Variants in TBX3 observed in about 807,000 individuals in gnomAD.
TBX3 encodes the protein T-box transcription factor TBX3.
Under a neutral mutation model 47.8 loss-of-function variants are expected in TBX3, and 11 were observed. The ratio of observed to expected loss-of-function variants is 0.23; its 90% confidence interval spans 0.14 to 0.38. The LOEUF is 0.38. Ranked by LOEUF, TBX3 falls within the 10% of genes least tolerant of loss-of-function variation. TBX3 has a pLI of 1.00. For missense variants in TBX3, 927 were observed against 1,022.8 expected (o/e 0.91, Z 1.28); for synonymous variants, 500 against 449.3 (o/e 1.11, Z -1.43).
At position 114,674,300 on chromosome 12, in the gene TBX3, C is replaced by G. The variant is rs746512485; in HGVS notation, c.1575G>C (p.Thr525=). The G allele has an allele frequency of 1.9e-6, 3 of 1,579,434 alleles. No individual in the cohort carries two copies. The highest frequency in any genetic ancestry group is 4.6e-5 in the East Asian group (2 of 43,026). The change falls in exon 6 of 7, where the codon ACG becomes ACC. Residue 525 remains threonine, a synonymous_variant. Coordinates refer to ENST00000349155, the MANE Select transcript of TBX3 (RefSeq NM_005996.4). ...AGACACCGGTGGAGGCCCCAGAAAC[C>G]GTGGCCAGGAGGGGACCCATGCCAG... The part of the protein sequence containing the change: ...AAAGMGPLLA[T]VSGASTGVSG...
intron 3 of TBX3, among the ~76,000 whole-genome samples, chr12:114,678,039 C>A (rs1369333869): frequency 6.6e-6 from 1 of 152,000 alleles, no homozygotes; most frequent in African/African-American, 2.4e-5. Context: ...CACACACACA[C>A]ACACACACAC....
In TBX3 at chr12:114,674,387, G is replaced by A; in HGVS notation, c.1488C>T (p.His496=). 2 of 1,552,644 alleles carry A rather than the reference G, an allele frequency of 1.3e-6. No homozygotes were observed. Among genetic ancestry groups the A allele is most frequent in the Non-Finnish European group, 1.7e-6 (2 of 1,148,416 alleles). Reference sequence around the variant, plus strand: ...ACTGGCTGGGGTGCAGGAAGAGCGGGTGCCCGTTGAAGAACTGTTGGCCCG... The same window carrying A: ...ACTGGCTGGGGTGCAGGAAGAGCGGATGCCCGTTGAAGAACTGTTGGCCCG... ...GLAGQQFFNG[H]PLFLHPSQFA... Residue 496 remains histidine (H), a synonymous_variant, in exon 6 of 7, where the codon CAC becomes CAT. Coordinates refer to ENST00000349155, the MANE Select transcript of TBX3 (RefSeq NM_005996.4).
chr12:114,674,301 G>C lies in TBX3; in HGVS notation c.1574C>G (p.Thr525Arg). The change falls in exon 6 of 7, where the codon ACG becomes AGG. Residue 525 changes from threonine (T) to arginine (R), a missense_variant. This residue lies in a region of TBX3 where 623 missense variants were observed against 569.0 expected (regional missense o/e 1.09). Transcript: ENST00000349155. ...AAAGMGPLLATVSGASTGVSG... is the reference protein window; with the variant it reads ...AAAGMGPLLARVSGASTGVSG... ...GACACCGGTGGAGGCCCCAGAAACC[G>C]TGGCCAGGAGGGGACCCATGCCAGC... The C allele has an allele frequency of 6.3e-7, 1 of 1,578,934 alleles. No homozygotes were observed. Among genetic ancestry groups the C allele is most frequent in the Non-Finnish European group, 8.6e-7 (1 of 1,162,724 alleles).
rs1868583369 is a variant in TBX3 at position 114,674,170 on chromosome 12, A to G, written c.1705T>C (p.Ser569Pro). ...GCAGGAAGAAGGATCCATACCTGAG[A>G]GGCCAGGACGTGCTGCTGGAGGTGG... is the stretch of plus-strand genomic sequence containing the variant. ...PFHLQQHVLA[S>P]QGLAMSPFGS... The change falls in exon 6 of 7, where the codon TCT becomes CCT. Residue 569 changes from serine to proline, a missense_variant. Physicochemically the swap from Ser to Pro is moderately conservative, Grantham distance 74. This residue lies in a region of TBX3 where 623 missense variants were observed against 569.0 expected (regional missense o/e 1.09). Coordinates refer to ENST00000349155, the MANE Select transcript of TBX3 (RefSeq NM_005996.4). 6.3e-7 allele frequency: 1 copy of G among 1,582,858 alleles called. No individual in the cohort carries two copies.
At position 114,671,990 on chromosome 12, in the gene TBX3, G is replaced by A. The variant is rs373524965; in HGVS notation, c.2023C>T (p.Arg675Cys). Residue 675 changes from arginine to cysteine, a missense_variant, in exon 7 of 7, where the codon CGC becomes TGC. By Grantham distance (180) the Arg-to-Cys change is radical. Around this residue, in one of 5 missense-constraint regions of TBX3, gnomAD observed 623 missense variants for 569.0 expected, o/e 1.09. Transcript: ENST00000349155. ...GAGCTGGAGGAGAGCGTGGAGGAGC[G>A]GCTGTTGAGTTCAGAGCCCGAGTCC... ...AVDSGSELNS[R>C]SSTLSSSSMS... is the part of the protein sequence containing the mutation. 3.1e-6 allele frequency: 5 copies of A among 1,601,084 alleles called. No homozygotes were observed. The East Asian group carries it at 9.1e-5, about 29-fold the overall frequency.
At chr12:114,679,987 A>G in intron 2 of TBX3, 1 of 1,613,946 alleles carries the variant, frequency 6.2e-7, no homozygotes, top group Non-Finnish European at 8.5e-7. Context: ...AAAGATAGAG[A>G]AAAACATGCA....
At chr12:114,672,516 G>A (rs1868496997) in intron 6 of TBX3, among the ~76,000 whole-genome samples, 1 of 151,860 alleles carries the variant, frequency 6.6e-6, no homozygotes, top group African/African-American at 2.4e-5. Context: ...AATCTTAGCT[G>A]TGTCACCCTA....
intron 5 of TBX3, among the ~76,000 whole-genome samples, chr12:114,675,835 T>C (rs1028032759): frequency 1.3e-5 from 2 of 151,102 alleles, no homozygotes; most frequent in African/African-American, 4.9e-5. Flanking sequence ...TATAGCTGGA[T>C]GTTTTCTAGG....
In TBX3 at chr12:114,680,908, T is replaced by A; in HGVS notation, c.628A>T (p.Thr210Ser). The A allele has an allele frequency of 6.2e-7, 1 of 1,614,006 alleles. No individual in the cohort carries two copies. Among genetic ancestry groups the A allele is most frequent in the Non-Finnish European group, 8.5e-7 (1 of 1,180,018 alleles). Residue 210 changes from threonine (T) to serine (S), a missense_variant, in exon 2 of 7, where the codon ACC (threonine) becomes TCC (serine). By Grantham distance (58) the Thr-to-Ser change is moderately conservative. Around this residue, in one of 5 missense-constraint regions of TBX3, gnomAD observed 38 missense variants for 77.7 expected, o/e 0.49. Coordinates refer to ENST00000349155, the MANE Select transcript of TBX3 (RefSeq NM_005996.4). ...CCATGTTTGTCTGAAATGTTGTTGG[T>A]GAGTTTCAGTTTGTGGAAAGTGACG... ...KVVTFHKLKL[T>S]NNISDKHGFT...
intron 2 of TBX3, 38 bp downstream of exon 2, chr12:114,680,838 AAGG>A: frequency 6.2e-7 from 1 of 1,613,900 alleles, no homozygotes; most frequent in Non-Finnish European, 8.5e-7. Flanking sequence ...TGACTGAGTG[AAGG>A]AGGAGAAAAT....
intron 5 of TBX3, 68 bp from the exon 6 acceptor site, chr12:114,674,903 A>G: frequency 6.5e-7 from 1 of 1,532,224 alleles, no homozygotes; most frequent in Non-Finnish European, 8.7e-7. Flanking sequence ...ACGGAACTCC[A>G]GTTCCCAAGT....
chr12:114,672,170 G>A lies in TBX3; in HGVS notation c.1843C>T (p.Arg615Cys), dbSNP rs781193551. 1.3e-6 allele frequency: 2 copies of A among 1,571,192 alleles called. No homozygotes were observed. The highest frequency in any genetic ancestry group is 1.4e-5 in the African/African-American group (1 of 74,048). Residue 615 changes from arginine to cysteine, a missense_variant, in exon 7 of 7, where the codon CGC (arginine) becomes TGC (cysteine). By Grantham distance (180) the Arg-to-Cys change is radical (BLOSUM62 -3). This residue lies in a region of TBX3 where 623 missense variants were observed against 569.0 expected (regional missense o/e 1.09). Transcript: ENST00000349155. ...TAGGGGCTGTAGCGCAGCCGCGGGC[G>A]CATGGTGTTCAGATTGAGGAAGGGG... ...RHPFLNLNTMRPRLRYSPYSI... is the reference protein window; with the variant it reads ...RHPFLNLNTMCPRLRYSPYSI...
In TBX3 at chr12:114,674,809, C is replaced by A. The variant is rs1312156913; in HGVS notation, c.1066G>T (p.Asp356Tyr). The A allele has an allele frequency of 1.3e-6, 2 of 1,577,640 alleles. No individual in the cohort carries two copies. The highest frequency in any genetic ancestry group is 1.3e-5 in the African/African-American group (1 of 74,700). The change falls in exon 6 of 7, where the codon GAC (aspartate) becomes TAC (tyrosine). Residue 356 changes from aspartate to tyrosine, a missense_variant. This residue lies in a region of TBX3 where 623 missense variants were observed against 569.0 expected (regional missense o/e 1.09). Transcript: ENST00000349155. ...TCCTCTTTGCTCTCGGCCTCGGCGT[C>A]GCTCTCACCCTCGCTGGGACATAAA... ...KDLCPSEGES[D>Y]AEAESKEEHG...
At chr12:114,681,234 A>G in intron 1 of TBX3, 88 bp from the exon 2 acceptor site, 1 of 1,548,316 alleles carries the variant, frequency 6.5e-7, no homozygotes, top group Non-Finnish European at 8.8e-7. Context: ...TAATATTGAA[A>G]CCAAGTCTAA....
At chr12:114,679,813 G>T in intron 2 of TBX3, 162 bp from the exon 3 acceptor site, 1 of 1,539,026 alleles carries the variant, frequency 6.5e-7, no homozygotes, top group Non-Finnish European at 9.0e-7. Context: ...TCGCTCCACA[G>T]ATGTTATCTT....
chr12:114,679,982 T>C, intron 2 of TBX3: 2 of 1,614,092 alleles, frequency 1.2e-6, no homozygotes, highest in African/African-American at 1.3e-5. Flanking sequence ...TCTTAAAAGA[T>C]AGAGAAAAAC....
At chr12:114,684,168 GGGCGTCTGCTCGGC>G in exon 1 of TBX3, 1 of 229,520 alleles carries the variant, frequency 4.4e-6, no homozygotes, top group East Asian at 6.2e-5. Context: ...AGAATTCACC[GGGCGTCTGCTCGGC>G]GGCTCTAGAA....
chr12:114,681,243 A>G (rs745384668), intron 1 of TBX3, 97 bp from the exon 2 acceptor site: 13 of 1,512,414 alleles, frequency 8.6e-6, no homozygotes, highest in Non-Finnish European at 1.2e-5. Context: ...AACCAAGTCT[A>G]AGACTTTATA....
At chr12:114,681,983 G>C (rs571851886) in intron 1 of TBX3, among the ~76,000 whole-genome samples, 1 of 152,268 alleles carries the variant, frequency 6.6e-6, no homozygotes. Flanking sequence ...ATATCATGAA[G>C]GGGATTTTAT....
Sources: gnomAD v4.1 joint callset for allele counts (sites outside exome capture counted in the v4.1 genomes callset) on GRCh38, gnomAD v4.1.1 for gene constraint, gnomAD v4.1.1 regional missense constraint, MANE v1.5 for transcripts, NCBI Gene and HGNC (gene_info 2026-07-23, HGNC 2026-07-21) for gene names.